The following PRKAG2 variants were observed in gnomAD, a reference collection of about 807,000 sequenced individuals.
The protein encoded by PRKAG2 is protein kinase AMP-activated non-catalytic subunit gamma 2.
PRKAG2 carries 26 observed loss-of-function variants against 69.6 expected under a neutral mutation model. The observed-to-expected ratio is 0.37, with a 90% CI of 0.27 to 0.52. The LOEUF (loss-of-function observed/expected upper bound fraction) is 0.52, where lower values mean the gene tolerates loss of function less well. PRKAG2 is among the 20% of genes least tolerant of loss of function. The probability of loss-of-function intolerance (pLI) is 0.90; values close to 1 mark genes in which losing one functional copy is unlikely to be tolerated. For synonymous variants in PRKAG2, 293 were observed against 285.0 expected (o/e 1.03, Z -0.28); for missense variants, 557 against 740.0 (o/e 0.75, Z 2.87).
intron 1 of PRKAG2, among the ~76,000 whole-genome samples, chr7:151,833,191 T>G (rs1278191923): frequency 6.6e-6 from 1 of 152,184 alleles, no homozygotes; most frequent in Non-Finnish European, 1.5e-5. Flanking sequence ...GTCTTTTGAT[T>G]AGATGGTCAC....
intron 4 of PRKAG2, among the ~76,000 whole-genome samples, chr7:151,661,680 G>A (rs765710581): frequency 1.3e-5 from 2 of 152,176 alleles, no homozygotes; most frequent in African/African-American, 2.4e-5. Context: ...GCCTCCAAAA[G>A]AGTGGAAAAA....
intron 5 of PRKAG2, among the ~76,000 whole-genome samples, chr7:151,600,751 G>A (rs12111653): frequency 0.23 from 34,255 of 151,932 alleles, 5,361 homozygotes; most frequent in African/African-American, 0.44. Context: ...TCACTCACTT[G>A]CCTTAAACGT....
chr7:151,622,021 T>G (rs563967063), intron 5 of PRKAG2, among the ~76,000 whole-genome samples: 161 of 152,348 alleles, frequency 1.1e-3, no homozygotes, highest in Non-Finnish European at 2.1e-3. Context: ...ATCCAAGAAC[T>G]AAGTTTTTGT....
chr7:151,618,088 A>G (rs1330172420), intron 5 of PRKAG2, among the ~76,000 whole-genome samples: 1 of 152,070 alleles, frequency 6.6e-6, no homozygotes, highest in Non-Finnish European at 1.5e-5. Context: ...TTGAGAGGCA[A>G]AGATGGGAGA....
At chr7:151,694,992 T>C (rs890781955) in intron 3 of PRKAG2, among the ~76,000 whole-genome samples, 1 of 152,212 alleles carries the variant, frequency 6.6e-6, no homozygotes, top group East Asian at 1.9e-4. Flanking sequence ...AGGACTTGGG[T>C]CAGCAGGCCC....
At chr7:151,562,594 A>G (rs1184556824) in intron 14 of PRKAG2, among the ~76,000 whole-genome samples, 4 of 152,192 alleles carry the variant, frequency 2.6e-5, no homozygotes, top group Non-Finnish European at 5.9e-5. Flanking sequence ...CAGCACAATT[A>G]TTTGCTAACT....
At chr7:151,811,901 T>G (rs1482449298) in intron 1 of PRKAG2, among the ~76,000 whole-genome samples, 4 of 152,240 alleles carry the variant, frequency 2.6e-5, no homozygotes, top group African/African-American at 9.6e-5. Flanking sequence ...GGCCCGAGTT[T>G]GAGCTCTAGT....
At chr7:151,818,839 A>G (rs757418602) in intron 1 of PRKAG2, among the ~76,000 whole-genome samples, 1 of 152,234 alleles carries the variant, frequency 6.6e-6, no homozygotes, top group African/African-American at 2.4e-5. Flanking sequence ...GGTGGGATGT[A>G]GACGGTGTGG....
At chr7:151,683,756 G>T (rs1049578925) in intron 3 of PRKAG2, among the ~76,000 whole-genome samples, 8 of 152,264 alleles carry the variant, frequency 5.3e-5, no homozygotes, top group African/African-American at 1.2e-4. Context: ...GCCAGAGAGG[G>T]ACAGGAGTAC....
chr7:151,855,513 GCC>G (rs2079743828), intron 1 of PRKAG2, among the ~76,000 whole-genome samples: 2 of 22,196 alleles, frequency 9.0e-5, no homozygotes, highest in Admixed American at 4.6e-4. Context: ...CACACACACC[GCC>G]CTCCACACAC....
rs560991994 is a variant in PRKAG2, at chr7:151,777,703, T to C, written c.466+3449A>G. 4.6e-5 allele frequency among the ~76,000 whole-genome samples: 7 copies of C among 152,330 alleles called. No homozygotes were observed. In the South Asian group the frequency reaches 1.4e-3, roughly 32 times the overall value. ...AGCCTCACAGGCTGGCTGGCTTTGCTCATTACCTGGGCGGAGGCCAAGCTA... is the reference window on the plus strand; with the variant it reads ...AGCCTCACAGGCTGGCTGGCTTTGCCCATTACCTGGGCGGAGGCCAAGCTA... On this transcript the variant is annotated intron_variant, in intron 3 of 15. Transcript: ENST00000287878. This position sits in a 1 kb window ranked among gnomAD's most constrained non-coding sequence, Gnocchi z 4.3.
chr7:151,691,354 G>A (rs992219886), intron 3 of PRKAG2, among the ~76,000 whole-genome samples: 2 of 151,908 alleles, frequency 1.3e-5, no homozygotes, highest in African/African-American at 4.8e-5. Flanking sequence ...ATTGGTTGAA[G>A]CTGAGGAGGT....
chr7:151,674,045 G>C (rs1231137086), intron 4 of PRKAG2, among the ~76,000 whole-genome samples: 1 of 152,100 alleles, frequency 6.6e-6, no homozygotes. Flanking sequence ...GTTTCACCAT[G>C]CTGGCCAGGC....
intron 1 of PRKAG2, among the ~76,000 whole-genome samples, chr7:151,826,067 C>A (rs1218056606): frequency 1.3e-5 from 2 of 152,138 alleles, no homozygotes; most frequent in Non-Finnish European, 1.5e-5. Flanking sequence ...AGGTAGAGTA[C>A]CTTTTCCCCA....
chr7:151,820,108 CTTG>C (rs2078733772), intron 1 of PRKAG2, among the ~76,000 whole-genome samples: 1 of 152,232 alleles, frequency 6.6e-6, no homozygotes, highest in Non-Finnish European at 1.5e-5. Context: ...CCCACAGTGA[CTTG>C]TCTAACTCCA....
At chr7:151,698,069 C>T (rs746180950) in intron 3 of PRKAG2, among the ~76,000 whole-genome samples, 9 of 152,192 alleles carry the variant, frequency 5.9e-5, no homozygotes, top group South Asian at 4.1e-4. Flanking sequence ...CTTCTGAGTT[C>T]GCCTGCAGCT....
rs376580051 is a variant in PRKAG2 at position 151,759,108 on chromosome 7, C to T, written c.466+22044G>A. On this transcript the variant is annotated intron_variant, in intron 3 of 15. Coordinates refer to ENST00000287878, the MANE Select transcript of PRKAG2 (RefSeq NM_016203.4). ...TCTCCTGCAAGGCCCCGCCCCACTC[C>T]CTGACCTCACTCCAGCACCTGCTCC... Among the ~76,000 whole-genome samples, 85 of 152,292 alleles carry T rather than the reference C, an allele frequency of 5.6e-4. 1 individual carries two copies. In the South Asian group the frequency reaches 0.017, roughly 30 times the overall value.
intron 3 of PRKAG2, among the ~76,000 whole-genome samples, chr7:151,769,392 C>T: frequency 6.6e-6 from 1 of 152,148 alleles, no homozygotes; most frequent in East Asian, 1.9e-4. Flanking sequence ...AGGGTGGGCT[C>T]TTAATCTCCT....
At chr7:151,631,813 CGT>C (rs1824510705) in intron 5 of PRKAG2, 1 of 495,220 alleles carries the variant, frequency 2.0e-6, no homozygotes, top group African/African-American at 2.0e-5. Context: ...GCCGCCCGTC[CGT>C]GTGGATGCCG....
Sources: allele counts gnomAD v4.1 joint callset (sites outside exome capture counted in the v4.1 genomes callset), GRCh38; gene constraint gnomAD v4.1.1; non-coding constraint Gnocchi (gnomAD v3.1); transcripts MANE v1.5; gene names NCBI Gene and HGNC (gene_info 2026-07-23, HGNC 2026-07-21).